The following TBC1D1 variants were observed in gnomAD, a reference collection of about 807,000 sequenced individuals.
TBC1D1 encodes TBC1 domain family member 1.
A neutral mutation model predicts 125.6 loss-of-function variants in TBC1D1; 89 were observed. The ratio of observed to expected loss-of-function variants is 0.71; its 90% CI spans 0.60 to 0.85. The LOEUF (loss-of-function observed/expected upper bound fraction) is 0.85, where lower values mean the gene tolerates loss of function less well. Among genes scored for constraint, TBC1D1 ranks in the 40% least tolerant of loss-of-function variants. The probability of loss-of-function intolerance (pLI) is 0.00; values close to 1 mark genes in which losing one functional copy is unlikely to be tolerated. For synonymous variants in TBC1D1, 565 were observed against 564.1 expected, an observed-to-expected ratio of 1.00 and a Z score of -0.02; for missense variants, 1,377 against 1,469.2, an observed-to-expected ratio of 0.94 and a Z score of 1.03.
intron 2 of TBC1D1, among the ~76,000 whole-genome samples, chr4:37,968,606 T>C (rs898299873): frequency 6.6e-6 from 1 of 152,242 alleles, no homozygotes; most frequent in Non-Finnish European, 1.5e-5. Flanking sequence ...CCTAATTTGT[T>C]CTTCTACTTC....
chr4:37,997,548 G>C (rs1226081571), intron 2 of TBC1D1, among the ~76,000 whole-genome samples: 1 of 152,016 alleles, frequency 6.6e-6, no homozygotes, highest in East Asian at 1.9e-4. Context: ...AAAGACTAAA[G>C]TTTAAGAAAA....
At chr4:38,049,202 A>G (rs1413939349) in intron 10 of TBC1D1, among the ~76,000 whole-genome samples, 2 of 152,216 alleles carry the variant, frequency 1.3e-5, no homozygotes, top group Non-Finnish European at 2.9e-5. Flanking sequence ...GAGCCTTAAA[A>G]TGTGGGTTTA....
intron 2 of TBC1D1, among the ~76,000 whole-genome samples, chr4:37,986,126 A>C (rs1735398009): frequency 6.6e-6 from 1 of 152,188 alleles, no homozygotes; most frequent in Admixed American, 6.5e-5. Flanking sequence ...CCTATCAGTA[A>C]TTGTGGCTTA....
chr4:37,964,247 G>T (rs1730635621), intron 2 of TBC1D1, among the ~76,000 whole-genome samples: 1 of 152,252 alleles, frequency 6.6e-6, no homozygotes, highest in African/African-American at 2.4e-5. Flanking sequence ...AGTTAAAGCA[G>T]CATTTGTTGG....
intron 2 of TBC1D1, among the ~76,000 whole-genome samples, chr4:37,950,309 G>A (rs868723937): frequency 2.0e-5 from 3 of 152,026 alleles, no homozygotes; most frequent in Non-Finnish European, 4.4e-5. Flanking sequence ...AAGTTGTTAG[G>A]AGGATTTTAT....
intron 2 of TBC1D1, among the ~76,000 whole-genome samples, chr4:37,913,875 G>T (rs1015750075): frequency 5.9e-5 from 9 of 151,920 alleles, no homozygotes; most frequent in South Asian, 2.1e-4. Context: ...GCCACCTAGA[G>T]CTTGTGAGAT....
chr4:37,951,637 C>T (rs1365795636), intron 2 of TBC1D1, among the ~76,000 whole-genome samples: 1 of 152,174 alleles, frequency 6.6e-6, no homozygotes, highest in Non-Finnish European at 1.5e-5. Flanking sequence ...TTGTGACACT[C>T]TGCTAGGGAA....
chr4:38,111,967 T>A (rs1256927298), intron 15 of TBC1D1: 1 of 985,296 alleles, frequency 1.0e-6, no homozygotes, highest in African/African-American at 1.7e-5. Flanking sequence ...GACAGGAAGT[T>A]GCATTTGGGA....
At chr4:37,988,168 G>T (rs1735832718) in intron 2 of TBC1D1, among the ~76,000 whole-genome samples, 1 of 152,240 alleles carries the variant, frequency 6.6e-6, no homozygotes, top group Non-Finnish European at 1.5e-5. Context: ...ACAGCAGGGT[G>T]TAGCACGTGT....
chr4:37,991,683 A>G (rs1736598441), intron 2 of TBC1D1, among the ~76,000 whole-genome samples: 2 of 151,932 alleles, frequency 1.3e-5, no homozygotes. Flanking sequence ...CTAATAAGGA[A>G]ATTTTACACT....
At chr4:38,044,560 C>CT (rs1236632351) in intron 9 of TBC1D1, 70 bp downstream of exon 9, 1 of 1,452,360 alleles carries the variant, frequency 6.9e-7, no homozygotes, top group African/African-American at 1.4e-5. Context: ...GAGTTCTATG[C>CT]TTTTATTCCA....
At chr4:38,031,245 A>G (rs991594200) in intron 7 of TBC1D1, among the ~76,000 whole-genome samples, 2 of 152,244 alleles carry the variant, frequency 1.3e-5, no homozygotes, top group African/African-American at 2.4e-5. Flanking sequence ...GTTTCAGGGA[A>G]TGACTTAATT....
At chr4:38,033,664 A>G (rs1746644444) in intron 7 of TBC1D1, among the ~76,000 whole-genome samples, 1 of 152,132 alleles carries the variant, frequency 6.6e-6, no homozygotes, top group Non-Finnish European at 1.5e-5. Context: ...ACGGTATCAT[A>G]CAGAATAGTT....
chr4:37,972,121 T>A (rs564961825), intron 2 of TBC1D1, among the ~76,000 whole-genome samples: 1 of 152,312 alleles, frequency 6.6e-6, no homozygotes, highest in South Asian at 2.1e-4. Flanking sequence ...CTTTGAGCAA[T>A]GACTATTCTG....
At position 38,090,123 on chromosome 4, in the gene TBC1D1, T is replaced by C. The variant is rs1214557186; in HGVS notation, c.2236+6T>C. The C allele has an allele frequency of 6.2e-7, 1 of 1,613,868 alleles. No homozygotes were observed. Among genetic ancestry groups the C allele is most frequent in the Non-Finnish European group, 8.5e-7 (1 of 1,179,936 alleles). On this transcript the variant is annotated splice_donor_region_variant and intron_variant, in intron 13 of 19. Transcript: ENST00000261439. ...GGAAAATCAGAAGCTCCAAGGTTGG[T>C]TTGCCATCTTGATATTGAACAGGCC...
chr4:38,007,780 C>T (rs950865423), intron 2 of TBC1D1, among the ~76,000 whole-genome samples: 2 of 152,188 alleles, frequency 1.3e-5, no homozygotes, highest in Non-Finnish European at 2.9e-5. Flanking sequence ...GGCTGCCCTT[C>T]GTGCTGTTCA....
At chr4:38,065,414 C>T (rs1753541320) in intron 12 of TBC1D1, among the ~76,000 whole-genome samples, 1 of 152,114 alleles carries the variant, frequency 6.6e-6, no homozygotes, top group Admixed American at 6.5e-5. Flanking sequence ...GCATGGGGAC[C>T]TCCTATTCTG....
chr4:38,104,064 G>A (rs934794978), intron 15 of TBC1D1, among the ~76,000 whole-genome samples: 19 of 149,756 alleles, frequency 1.3e-4, no homozygotes, highest in African/African-American at 4.7e-4. Context: ...GGAGGCCGAG[G>A]CAGGAGAATG....
chr4:37,912,183 G>A lies in TBC1D1; in HGVS notation c.417+9671G>A, dbSNP rs114261725. ...TCCTAAATTCATTTCATGTTGAAGG[G>A]AAGTTGTTCCCTGTAATATCTAGCT... On this transcript the variant is annotated intron_variant, in intron 2 of 19. Transcript: ENST00000261439. 7.2e-3 allele frequency among the ~76,000 whole-genome samples: 1,092 copies of A among 152,302 alleles called. 15 individuals carry two copies. Among genetic ancestry groups the A allele is most frequent in the African/African-American group, 0.025 (1,045 of 41,554 alleles).
Sources: allele counts gnomAD v4.1 joint callset (sites outside exome capture counted in the v4.1 genomes callset), GRCh38; gene constraint gnomAD v4.1.1; transcripts MANE v1.5; gene names NCBI Gene and HGNC (gene_info 2026-07-23, HGNC 2026-07-21).